Variants in FAM219B observed in about 807,000 individuals in gnomAD.
The protein encoded by FAM219B is protein FAM219B.
A neutral mutation model predicts 19.9 loss-of-function variants in FAM219B; 18 were observed. The observed-to-expected ratio is 0.91, with a 90% confidence interval of 0.63 to 1.34. The LOEUF is 1.34. Ranked by LOEUF, FAM219B falls within the 40% of genes most tolerant of loss-of-function variation. The pLI is 0.00. For missense variants in FAM219B, 283 were observed against 270.5 expected (o/e 1.05, Z -0.32); for synonymous variants, 123 against 117.5 (o/e 1.05, Z -0.30).
At chr15:74,903,703 G>A (rs1291648703) in intron 4 of FAM219B, among the ~76,000 whole-genome samples, 1 of 151,546 alleles carries the variant, frequency 6.6e-6, no homozygotes, top group African/African-American at 2.4e-5. Flanking sequence ...GACATTTAAG[G>A]AGGACAAAAT....
chr15:74,902,594 C>G lies in FAM219B; in HGVS notation c.*25G>C. 6.3e-7 allele frequency: 1 copy of G among 1,577,180 alleles called. No individual in the cohort carries two copies. The highest frequency in any genetic ancestry group is 8.6e-7 in the Non-Finnish European group (1 of 1,160,314). On this transcript the variant is annotated 3_prime_UTR_variant, in exon 5 of 5. Coordinates refer to ENST00000357635, the MANE Select transcript of FAM219B (RefSeq NM_020447.5). ...AGGGCTCTGTAGGCCTCATGGTGAG[C>G]AGGGCCCACCTTGGAGGGTAATGTC...
downstream of FAM219B, chr15:74,899,069 T>A (rs187503574): frequency 6.6e-6 from 1 of 152,192 alleles, no homozygotes; most frequent in Non-Finnish European, 1.5e-5. Context: ...AGGAACCGAA[T>A]TAGACAATTT....
chr15:74,905,535 T>C (rs1050944786), intron 2 of FAM219B: 2 of 296,196 alleles, frequency 6.8e-6, no homozygotes, highest in Admixed American at 4.1e-5. Flanking sequence ...GTGATTTTCC[T>C]GCCTCAGCCT....
downstream of FAM219B, chr15:74,899,708 C>A (rs1448851752): frequency 6.6e-6 from 1 of 152,224 alleles, no homozygotes. Context: ...ACTGCAACCT[C>A]CGCCCACTGG....
downstream of FAM219B, chr15:74,898,923 A>G (rs2064865526): frequency 6.6e-6 from 1 of 152,234 alleles, no homozygotes; most frequent in African/African-American, 2.4e-5. Context: ...GTTCATTTCC[A>G]TACTGTCTGG....
At chr15:74,906,394 G>T in intron 1 of FAM219B, 29 bp from the exon 2 acceptor site, 1 of 1,587,634 alleles carries the variant, frequency 6.3e-7, no homozygotes. Flanking sequence ...GGGTCAGCCG[G>T]GTCTTCCCCA....
In FAM219B at chr15:74,903,786, A is replaced by G. The variant is rs148658691; in HGVS notation, c.429+878T>C. 3.3e-4 allele frequency among the ~76,000 whole-genome samples: 50 copies of G among 152,200 alleles called. No homozygotes were observed. In the East Asian group the frequency reaches 8.9e-3, roughly 27 times the overall value. On this transcript the variant is annotated intron_variant, in intron 4 of 4. Transcript: ENST00000357635. ...GATTTCCAGGAGAGTAAGAAAAGCA[A>G]GTGGTGTAGAGTCAGGTCCCCAGCA...
rs771596042 is a variant in FAM219B at position 74,904,729 on chromosome 15, ACAGT to A, written c.381-21_381-18del. 1.2e-6 allele frequency: 2 copies of A among 1,614,216 alleles called. No homozygotes were observed. Among genetic ancestry groups the A allele is most frequent in the Non-Finnish European group, 1.7e-6 (2 of 1,180,026 alleles). On this transcript the variant is annotated intron_variant, in intron 3 of 4. Transcript: ENST00000357635. ...TCCCCATCACTAGGAGAAGAGGAAA[ACAGT>A]CAGTTCCGGGAGGTACCTGTGGTGC...
chr15:74,906,437 C>T, intron 1 of FAM219B, 72 bp from the exon 2 acceptor site: 1 of 1,552,918 alleles, frequency 6.4e-7, no homozygotes, highest in East Asian at 2.4e-5. Context: ...TGGGAGGCCG[C>T]TCTTTCCGAA....
intron 4 of FAM219B, among the ~76,000 whole-genome samples, chr15:74,903,620 A>T (rs1364160304): frequency 4.1e-5 from 6 of 144,998 alleles, no homozygotes; most frequent in African/African-American, 1.4e-4. Flanking sequence ...AAAAAAAAAA[A>T]AAAAGAAAAA....
intron 4 of FAM219B, among the ~76,000 whole-genome samples, chr15:74,904,140 C>G (rs562198824): frequency 1.4e-4 from 21 of 152,224 alleles, no homozygotes; most frequent in South Asian, 4.1e-4. Context: ...AGAAAAAATT[C>G]TGTGTGTGTT....
rs545073173 is a variant in FAM219B, at chr15:74,906,563, C to T, written c.214+24G>A. ...GGCCGCCCGCCCAGGGAGAAACCTC[C>T]CCCGACCATCGGGCCACACTCACGC... On this transcript the variant is annotated intron_variant, in intron 1 of 4. Coordinates refer to ENST00000357635, the MANE Select transcript of FAM219B (RefSeq NM_020447.5). 4 of 1,488,976 alleles carry T rather than the reference C, an allele frequency of 2.7e-6. No homozygotes were observed. The African/African-American group carries it at 5.6e-5, about 21-fold the overall frequency. The allele number at this position is 1,488,976 out of a possible 1,614,324, so 92.2% of individuals were successfully genotyped here.
At position 74,902,413 on chromosome 15, in the gene FAM219B, A is replaced by G. The variant is rs930394476; in HGVS notation, c.*206T>C. ...AGTGACTTCTCCAAACTCTGCTCCA[A>G]CAGCAGAGGAAAACTACAGAATTCT... is the stretch of plus-strand genomic sequence containing the variant. On this transcript the variant is annotated 3_prime_UTR_variant, in exon 5 of 5. Coordinates refer to ENST00000357635, the MANE Select transcript of FAM219B (RefSeq NM_020447.5). The G allele has an allele frequency of 1.2e-5, 5 of 427,014 alleles. No individual in the cohort carries two copies. Among genetic ancestry groups the G allele is most frequent in the Non-Finnish European group, 2.0e-5 (5 of 247,794 alleles). The allele number at this position is 427,014 out of a possible 1,614,324, so 26.5% of individuals were successfully genotyped here. A position where few individuals can be genotyped will look rare whatever the true frequency, so the allele number is the denominator to read the frequency against.
In FAM219B at chr15:74,904,672, A is replaced by G; in HGVS notation, c.421T>C (p.Ser141Pro). The change falls in exon 4 of 5, where the codon TCT (serine) becomes CCT (proline). Residue 141 changes from serine to proline, a missense_variant. Ser to Pro is a moderately conservative substitution (Grantham distance 74, BLOSUM62 -1). Transcript: ENST00000357635. ...AGGTGTTCTGGACTTGCCTCTGCAG[A>G]TGAATACCCGGAGGAGTATCTGGAT... The part of the protein sequence containing the change: ...LGSRYSSGYS[S>P]AEQVNQDVSR... 1 of 1,614,202 alleles carries G rather than the reference A, an allele frequency of 6.2e-7. No individual in the cohort carries two copies. Among genetic ancestry groups the G allele is most frequent in the Non-Finnish European group, 8.5e-7 (1 of 1,180,022 alleles).
Position 74,905,235 on chromosome 15 carries a change from A to AG in FAM219B, c.303-5dup. The AG allele has an allele frequency of 6.2e-7, 1 of 1,613,668 alleles. No homozygotes were observed. The highest frequency in any genetic ancestry group is 8.5e-7 in the Non-Finnish European group (1 of 1,179,732). ...GCCCTTGTTAAACTTCACTGACCTG[A>AG]GGGGAGACGGGGGAGAAGAGACCAA... On this transcript the variant is annotated splice_region_variant and splice_polypyrimidine_tract_variant and intron_variant, in intron 2 of 4. Transcript: ENST00000357635.
At chr15:74,899,207 A>C (rs1351269957), downstream of FAM219B, 2 of 152,168 alleles carry the variant, frequency 1.3e-5, no homozygotes, top group East Asian at 1.9e-4. Context: ...GCTGCTGCTG[A>C]GGTTTCTGAC....
chr15:74,903,600 CAAAA>C (rs60354993), intron 4 of FAM219B, among the ~76,000 whole-genome samples: 2 of 46,136 alleles, frequency 4.3e-5, no homozygotes, highest in South Asian at 6.1e-4. Flanking sequence ...GACTCTGTCT[CAAAA>C]AAAAAAAAAA....
rs1318475535 is a variant in FAM219B at position 74,901,131 on chromosome 15, T to C, written c.*1488A>G. 2 of 152,176 alleles carry C rather than the reference T, an allele frequency of 1.3e-5. No homozygotes were observed. The highest frequency in any genetic ancestry group is 6.6e-5 in the Admixed American group (1 of 15,256). The allele number at this position is 152,176 out of a possible 1,614,324, so 9.4% of individuals were successfully genotyped here. A position where few individuals can be genotyped will look rare whatever the true frequency, so the allele number is the denominator to read the frequency against. ...GAACCTATACCCCAATCCCGACTATTGGGCTGGGAACCCTGTCTATGCCCA... is the reference window on the plus strand; with the variant it reads ...GAACCTATACCCCAATCCCGACTATCGGGCTGGGAACCCTGTCTATGCCCA... On this transcript the variant is annotated 3_prime_UTR_variant, in exon 5 of 5. Transcript: ENST00000357635.
chr15:74,899,064 C>A (rs1478634981), downstream of FAM219B: 2 of 152,334 alleles, frequency 1.3e-5, no homozygotes, highest in South Asian at 2.1e-4. Context: ...GACTCAGGAA[C>A]CGAATTAGAC....
Sources: allele counts gnomAD v4.1 joint callset (sites outside exome capture counted in the v4.1 genomes callset), GRCh38; gene constraint gnomAD v4.1.1; transcripts MANE v1.5; gene names NCBI Gene and HGNC (gene_info 2026-07-23, HGNC 2026-07-21).